NRXN1: variants seen among roughly 807,000 people sequenced by gnomAD.
The protein encoded by NRXN1 is neurexin 1.
In NRXN1, 39 loss-of-function variants were observed where a neutral mutation model predicts 150.9. That is an observed-to-expected ratio of 0.26 (90% CI 0.20 to 0.34). NRXN1 has a LOEUF of 0.34. Ranked by LOEUF, NRXN1 falls within the 10% of genes least tolerant of loss-of-function variation. The pLI is 1.00. For missense variants in NRXN1, 1,815 were observed against 1,949.9 expected (o/e 0.93, Z 1.30); for synonymous variants, 924 against 757.0 (o/e 1.22, Z -3.62).
At chr2:50,154,834 T>A (rs2058916280) in intron 18 of NRXN1, among the ~76,000 whole-genome samples, 2 of 151,622 alleles carry the variant, frequency 1.3e-5, no homozygotes, top group Non-Finnish European at 3.0e-5. Context: ...AATTTCATTG[T>A]TTGAGATCAA....
intron 18 of NRXN1, among the ~76,000 whole-genome samples, chr2:50,187,249 AC>A (rs2061138937): frequency 1.3e-5 from 2 of 152,076 alleles, no homozygotes; most frequent in African/African-American, 4.8e-5. Flanking sequence ...AGCAGTCTTG[AC>A]CACATGTTCA....
chr2:50,651,504 C>CATGAA (rs1338418221), intron 5 of NRXN1, among the ~76,000 whole-genome samples: 10 of 149,216 alleles, frequency 6.7e-5, no homozygotes, highest in African/African-American at 2.6e-4. Context: ...CATGACATGA[C>CATGAA]ATGACATAAC....
chr2:50,798,226 T>C (rs554498081), intron 5 of NRXN1, among the ~76,000 whole-genome samples: 50 of 152,314 alleles, frequency 3.3e-4, no homozygotes, highest in Admixed American at 5.9e-4. Flanking sequence ...ATAGTTGTTA[T>C]GATCTCGAAA....
At chr2:50,407,214 T>A (rs2104010504) in intron 17 of NRXN1, among the ~76,000 whole-genome samples, 1 of 152,326 alleles carries the variant, frequency 6.6e-6, no homozygotes. Flanking sequence ...TCTATAACAT[T>A]AAAAGATCAA....
At chr2:50,714,847 T>C (rs1695658071) in intron 5 of NRXN1, among the ~76,000 whole-genome samples, 1 of 152,182 alleles carries the variant, frequency 6.6e-6, no homozygotes, top group African/African-American at 2.4e-5. Context: ...CTGTTTGCTT[T>C]CATCTGTTAA....
At chr2:50,062,225 A>G (rs1468257597) in intron 19 of NRXN1, among the ~76,000 whole-genome samples, 2 of 152,294 alleles carry the variant, frequency 1.3e-5, no homozygotes, top group East Asian at 3.9e-4. Flanking sequence ...CAAATATGAT[A>G]GTGTCAGGAG....
chr2:50,946,722 T>C (rs759699194), intron 2 of NRXN1, among the ~76,000 whole-genome samples: 10 of 152,138 alleles, frequency 6.6e-5, no homozygotes, highest in Non-Finnish European at 4.4e-5. Context: ...CTCAATATAC[T>C]TTAAAAAAAC....
intron 5 of NRXN1, among the ~76,000 whole-genome samples, chr2:50,874,334 C>A (rs530183241): frequency 6.6e-6 from 1 of 151,920 alleles, no homozygotes; most frequent in South Asian, 2.1e-4. Flanking sequence ...AATTCTTTGT[C>A]AGGTACTTGA....
At chr2:49,928,282 A>G (rs1669477602) in intron 22 of NRXN1, among the ~76,000 whole-genome samples, 1 of 151,856 alleles carries the variant, frequency 6.6e-6, no homozygotes, top group African/African-American at 2.4e-5. Flanking sequence ...ACTCTTGGCA[A>G]GATGCATTTA....
chr2:50,605,142 G>C (rs1352896147), intron 8 of NRXN1, among the ~76,000 whole-genome samples: 1 of 152,186 alleles, frequency 6.6e-6, no homozygotes, highest in Non-Finnish European at 1.5e-5. Flanking sequence ...AATTGAGTAT[G>C]TGTTTATCTC....
chr2:50,157,363 T>C (rs902819130), intron 18 of NRXN1, among the ~76,000 whole-genome samples: 1 of 152,008 alleles, frequency 6.6e-6, no homozygotes, highest in Non-Finnish European at 1.5e-5. Context: ...AAAGACAGAA[T>C]ATAAAAAAGA....
chr2:50,283,564 G>A (rs1270189858), intron 17 of NRXN1, among the ~76,000 whole-genome samples: 1 of 152,066 alleles, frequency 6.6e-6, no homozygotes, highest in Non-Finnish European at 1.5e-5. Flanking sequence ...TCCAAATGAA[G>A]AACGCATTGA....
At chr2:50,480,526 T>C (rs1450380387) in intron 15 of NRXN1, among the ~76,000 whole-genome samples, 3 of 152,318 alleles carry the variant, frequency 2.0e-5, no homozygotes, top group South Asian at 2.1e-4. Context: ...ATTTATTTGC[T>C]GTGTGTGTCT....
chr2:50,675,160 T>C (rs1689377088), intron 5 of NRXN1, among the ~76,000 whole-genome samples: 1 of 152,102 alleles, frequency 6.6e-6, no homozygotes, highest in Non-Finnish European at 1.5e-5. Context: ...ATGCTTCCTG[T>C]ACAGCCTGCT....
In NRXN1 at chr2:49,974,066, T is replaced by G. The variant is rs533246981; in HGVS notation, c.4129-30275A>C. 5 of 717,332 alleles carry G rather than the reference T, an allele frequency of 7.0e-6. No homozygotes were observed. The African/African-American group carries it at 8.7e-5, about 13-fold the overall frequency. The allele number at this position is 717,332 out of a possible 1,614,324, so 44.4% of individuals were successfully genotyped here. ...ATTCTTAATGGAAATCCTAGGAAAT[T>G]TAGTCCATCCTCTGAAATCAATACT... On this transcript the variant is annotated intron_variant, in intron 21 of 22. Transcript: ENST00000401669.
chr2:50,351,230 A>C (rs141303870), intron 17 of NRXN1, among the ~76,000 whole-genome samples: 282 of 152,264 alleles, frequency 1.9e-3, no homozygotes, highest in African/African-American at 6.7e-3. Context: ...GGCTAACTGT[A>C]ATGTATTCTA....
chr2:50,936,075 C>T (rs1462510467), intron 2 of NRXN1, among the ~76,000 whole-genome samples: 1 of 152,036 alleles, frequency 6.6e-6, no homozygotes, highest in Admixed American at 6.6e-5. Flanking sequence ...TAATGAATAA[C>T]ATTTAATCTA....
chr2:50,533,091 A>G (rs1027601652), intron 10 of NRXN1, among the ~76,000 whole-genome samples: 8 of 152,136 alleles, frequency 5.3e-5, no homozygotes, highest in Admixed American at 5.2e-4. Flanking sequence ...TAAGACTTTA[A>G]TCACTATTTG....
chr2:50,365,061 C>G (rs1255096151), intron 17 of NRXN1, among the ~76,000 whole-genome samples: 1 of 151,794 alleles, frequency 6.6e-6, no homozygotes, highest in Admixed American at 6.6e-5. Flanking sequence ...GCTACACAAG[C>G]AAAAGATAAT....
Sources: gnomAD v4.1 joint callset for allele counts (sites outside exome capture counted in the v4.1 genomes callset) on GRCh38, gnomAD v4.1.1 for gene constraint, MANE v1.5 for transcripts, NCBI Gene and HGNC (gene_info 2026-07-23, HGNC 2026-07-21) for gene names.